HSD17B3: variants seen among roughly 807,000 people sequenced by gnomAD.
HSD17B3 encodes the protein hydroxysteroid 17-beta dehydrogenase 3, also known as 17-beta-hydroxysteroid dehydrogenase type 3.
Under a neutral mutation model 41.1 loss-of-function variants are expected in HSD17B3, and 29 were observed. That is an observed-to-expected ratio of 0.71 (90% CI 0.53 to 0.96). HSD17B3 has a LOEUF of 0.96. Among genes scored for constraint, HSD17B3 ranks in the 40% least tolerant of loss-of-function variants. The pLI, the probability that HSD17B3 is intolerant of heterozygous loss-of-function variation, is 0.00. For synonymous variants in HSD17B3, 126 were observed against 145.6 expected (o/e 0.87, Z 0.97); for missense variants, 323 against 374.6 (o/e 0.86, Z 1.14).
At chr9:96,251,344 C>T (rs1825399875) in intron 5 of HSD17B3, 74 bp downstream of exon 5, 2 of 1,287,488 alleles carry the variant, frequency 1.6e-6, no homozygotes, top group African/African-American at 2.9e-5. Flanking sequence ...CCTTCCCAGG[C>T]CTGACTCATT....
intron 3 of HSD17B3, 25 bp downstream of exon 3, chr9:96,254,843 C>T: frequency 3.7e-6 from 6 of 1,603,722 alleles, no homozygotes; most frequent in Non-Finnish European, 5.1e-6. Context: ...CCACACACAT[C>T]TCCCTTATTT....
At chr9:96,301,701 A>C in intron 1 of HSD17B3, among the ~76,000 whole-genome samples, 1 of 126,194 alleles carries the variant, frequency 7.9e-6, no homozygotes, top group African/African-American at 3.2e-5. Context: ...ACAGAGTGAG[A>C]CTCTGTCTCA....
chr9:96,282,219 A>C (rs1001911200), intron 2 of HSD17B3, among the ~76,000 whole-genome samples: 1 of 152,144 alleles, frequency 6.6e-6, no homozygotes, highest in Admixed American at 6.6e-5. Context: ...CTTAGGGATG[A>C]GTCCTTTATT....
At chr9:96,236,552 T>TAAATAAATAAAA (rs1554691556) in intron 10 of HSD17B3, among the ~76,000 whole-genome samples, 41 of 150,286 alleles carry the variant, frequency 2.7e-4, no homozygotes, top group African/African-American at 6.7e-4. Context: ...AATAAATAAA[T>TAAATAAATAAAA]AAAATGAGGA....
chr9:96,264,703 C>T (rs1233128050), intron 2 of HSD17B3, among the ~76,000 whole-genome samples: 1 of 152,034 alleles, frequency 6.6e-6, no homozygotes, highest in Admixed American at 6.6e-5. Flanking sequence ...TGTGGTAGAC[C>T]TATATTTTGA....
chr9:96,253,640 G>T (rs1339149052), intron 3 of HSD17B3, among the ~76,000 whole-genome samples: 2 of 152,144 alleles, frequency 1.3e-5, no homozygotes, highest in Non-Finnish European at 1.5e-5. Context: ...CTTGCCTTCT[G>T]CGGGAGTTTT....
rs772087477 is a variant in HSD17B3, at chr9:96,244,366, A to T, written c.635T>A (p.Leu212Gln). Residue 212 changes from leucine to glutamine, a missense_variant, in exon 9 of 11, where the codon CTG becomes CAG. Physicochemically the swap from Leu to Gln is moderately radical, Grantham distance 113. Transcript: ENST00000375263. ...TTCTTTTGCTTTATATTCCTCTTGC[A>T]GGGCCTTGGAAAATGCGCACACAAA... ...KAFVCAFSKA[L>Q]QEEYKAKEVI... 20 of 1,614,038 alleles carry T rather than the reference A, an allele frequency of 1.2e-5. No homozygotes were observed. Among genetic ancestry groups the T allele is most frequent in the Non-Finnish European group, 1.6e-5 (19 of 1,180,026 alleles).
intron 2 of HSD17B3, among the ~76,000 whole-genome samples, chr9:96,283,706 T>C (rs919337758): frequency 6.6e-6 from 1 of 151,718 alleles, no homozygotes; most frequent in Non-Finnish European, 1.5e-5. Context: ...CCTAAAACTT[T>C]TTGTCATCCA....
chr9:96,270,959 G>GGGGT (rs1554698945), intron 2 of HSD17B3, among the ~76,000 whole-genome samples: 3 of 147,488 alleles, frequency 2.0e-5, no homozygotes, highest in South Asian at 2.3e-4. Context: ...CTCTCGGGGG[G>GGGGT]GGGGGTTAAG....
chr9:96,292,167 G>A (rs551006230), intron 2 of HSD17B3, among the ~76,000 whole-genome samples: 1 of 150,810 alleles, frequency 6.6e-6, no homozygotes, highest in East Asian at 2.0e-4. Flanking sequence ...TGAACTTGAA[G>A]ATTAAAAAAA....
intron 9 of HSD17B3, among the ~76,000 whole-genome samples, chr9:96,242,003 A>AAGAAAGAAAGAG: frequency 7.4e-6 from 1 of 135,566 alleles, no homozygotes; most frequent in South Asian, 2.4e-4. Context: ...GAAAGAAAGA[A>AAGAAAGAAAGAG]AGAGAAAGAA....
intron 2 of HSD17B3, among the ~76,000 whole-genome samples, chr9:96,297,030 CA>C (rs112810399): frequency 0.05 from 5,959 of 118,868 alleles, 363 homozygotes; most frequent in African/African-American, 0.17. Flanking sequence ...GCAAGTGTCT[CA>C]AAAAAAAAAA....
intron 10 of HSD17B3, among the ~76,000 whole-genome samples, chr9:96,236,299 T>A (rs1437219165): frequency 6.6e-6 from 1 of 151,476 alleles, no homozygotes; most frequent in Non-Finnish European, 1.5e-5. Flanking sequence ...GGTGGATCAC[T>A]TGAGGTCAGG....
chr9:96,275,593 A>G (rs1826420827), intron 2 of HSD17B3, among the ~76,000 whole-genome samples: 1 of 151,962 alleles, frequency 6.6e-6, no homozygotes. Flanking sequence ...AAAAAAGAAA[A>G]AAAAAAGCAA....
At chr9:96,246,126 T>C (rs377251918) in intron 7 of HSD17B3, among the ~76,000 whole-genome samples, 2 of 152,108 alleles carry the variant, frequency 1.3e-5, no homozygotes, top group African/African-American at 2.4e-5. Context: ...TGGAATAGGG[T>C]GACATAAATA....
chr9:96,297,309 T>TTTTCA (rs766452378), intron 2 of HSD17B3, among the ~76,000 whole-genome samples: 4 of 151,496 alleles, frequency 2.6e-5, no homozygotes, highest in Middle Eastern at 6.8e-3. Context: ...ATGGAAAAGC[T>TTTTCA]TTTCATTATA....
Position 96,254,801 on chromosome 9 carries a change from G to A in HSD17B3, c.277+67C>T, listed in dbSNP as rs1825560528. The A allele has an allele frequency of 2.2e-6, 3 of 1,350,058 alleles. No individual in the cohort carries two copies. The South Asian group carries it at 3.6e-5, about 16-fold the overall frequency. The allele number at this position is 1,350,058 out of a possible 1,614,324, so 83.6% of individuals were successfully genotyped here. A position where few individuals can be genotyped will look rare whatever the true frequency, so the allele number is the denominator to read the frequency against. Reference sequence around the variant, plus strand: ...TGTGGGGATGCCAAGTACATCAACTGGCATGGTGGGAGCAGGCTTGGTTGG... The same window carrying A: ...TGTGGGGATGCCAAGTACATCAACTAGCATGGTGGGAGCAGGCTTGGTTGG... On this transcript the variant is annotated intron_variant, in intron 3 of 10. Coordinates refer to ENST00000375263, the MANE Select transcript of HSD17B3 (RefSeq NM_000197.2).
At chr9:96,292,854 G>T (rs1827204780) in intron 2 of HSD17B3, among the ~76,000 whole-genome samples, 1 of 152,208 alleles carries the variant, frequency 6.6e-6, no homozygotes, top group Non-Finnish European at 1.5e-5. Context: ...CTCATAAGAA[G>T]CCGCAGAGGC....
At chr9:96,265,843 C>G (rs964438272) in intron 2 of HSD17B3, among the ~76,000 whole-genome samples, 8 of 152,174 alleles carry the variant, frequency 5.3e-5, no homozygotes, top group Non-Finnish European at 2.9e-5. Context: ...TTTCATTTTA[C>G]CTTTTCAGTA....
Sources: allele counts gnomAD v4.1 joint callset (sites outside exome capture counted in the v4.1 genomes callset), GRCh38; gene constraint gnomAD v4.1.1; transcripts MANE v1.5; gene names NCBI Gene and HGNC (gene_info 2026-07-23, HGNC 2026-07-21).